GALNT13: variants seen among roughly 807,000 people sequenced by gnomAD.
The protein encoded by GALNT13 is polypeptide N-acetylgalactosaminyltransferase 13.
In GALNT13, 28 loss-of-function variants were observed where a neutral mutation model predicts 64.2. The ratio of observed to expected loss-of-function variants is 0.44; its 90% CI spans 0.32 to 0.60. GALNT13 has a LOEUF of 0.60. Among genes scored for constraint, GALNT13 ranks in the 20% least tolerant of loss-of-function variants. GALNT13 has a pLI of 0.05. For missense variants in GALNT13, 577 were observed against 669.8 expected (o/e 0.86, Z 1.53); for synonymous variants, 214 against 224.6 (o/e 0.95, Z 0.42).
chr2:153,789,919 C>T, the GALNT13 span, among the ~76,000 whole-genome samples: 1 of 152,168 alleles, frequency 6.6e-6, no homozygotes, highest in Admixed American at 6.5e-5. Flanking sequence ...ATAATGAGCT[C>T]CAAAATTGAC....
Position 153,944,408 on chromosome 2 carries a change from C to A in GALNT13, c.-90C>A. 1 of 1,181,820 alleles carries A rather than the reference C, an allele frequency of 8.5e-7. No individual in the cohort carries two copies. The highest frequency in any genetic ancestry group is 1.2e-6 in the Non-Finnish European group (1 of 826,076). The allele number at this position is 1,181,820 out of a possible 1,614,324, so 73.2% of individuals were successfully genotyped here. ...TTTTAATGCAGTGGAATGTATCCTG[C>A]TTTCATCTTGGAGTTCACCTGTGTG... On this transcript the variant is annotated 5_prime_UTR_variant, in exon 3 of 13. Coordinates refer to ENST00000392825, the MANE Select transcript of GALNT13 (RefSeq NM_052917.4).
chr2:154,288,080 C>T (rs1400731497), intron 8 of GALNT13, among the ~76,000 whole-genome samples: 1 of 152,136 alleles, frequency 6.6e-6, no homozygotes, highest in Non-Finnish European at 1.5e-5. Context: ...AATTGACTCA[C>T]AGTTCCACAT....
At chr2:153,224,484 TA>T in the GALNT13 span, among the ~76,000 whole-genome samples, 4 of 76,854 alleles carry the variant, frequency 5.2e-5, no homozygotes, top group East Asian at 8.5e-4. Context: ...GAATCTAAAA[TA>T]AAAGTTGAAT....
intron 4 of GALNT13, among the ~76,000 whole-genome samples, chr2:154,176,240 ATTATTTATTTATTTATTTATTTAT>A (rs3075864): frequency 7.5e-6 from 1 of 132,740 alleles, no homozygotes; most frequent in African/African-American, 2.8e-5. Flanking sequence ...GAACATATAT[ATTATTTATTTATTTATTTATTTAT>A]TTATTTATTT....
chr2:153,894,942 C>A (rs1478035473), intron 1 of GALNT13, among the ~76,000 whole-genome samples: 1 of 152,058 alleles, frequency 6.6e-6, no homozygotes, highest in Non-Finnish European at 1.5e-5. Context: ...GAATCAGTGA[C>A]CTGGTAGAGC....
chr2:153,276,282 A>G, the GALNT13 span, among the ~76,000 whole-genome samples: 3 of 152,074 alleles, frequency 2.0e-5, no homozygotes, highest in Admixed American at 6.5e-5. Context: ...ACTTTCATTT[A>G]CTAAATTTAT....
chr2:153,474,986 G>A, the GALNT13 span, among the ~76,000 whole-genome samples: 10 of 152,146 alleles, frequency 6.6e-5, no homozygotes, highest in Admixed American at 2.0e-4. Context: ...CTTAGAGAAT[G>A]TCTCTGGGAA....
chr2:153,807,745 T>C, the GALNT13 span, among the ~76,000 whole-genome samples: 1 of 152,146 alleles, frequency 6.6e-6, no homozygotes, highest in East Asian at 1.9e-4. Flanking sequence ...TGTTTGATAA[T>C]TTCATTATCC....
chr2:153,848,642 A>C, the GALNT13 span, among the ~76,000 whole-genome samples: 1 of 152,156 alleles, frequency 6.6e-6, no homozygotes, highest in African/African-American at 2.4e-5. Flanking sequence ...GAAAAGGTGA[A>C]TATCACTACA....
At chr2:153,401,564 T>C in the GALNT13 span, among the ~76,000 whole-genome samples, 1 of 150,300 alleles carries the variant, frequency 6.7e-6, no homozygotes, top group Non-Finnish European at 1.5e-5. Context: ...GGAGTCTAAG[T>C]CTCTTTGTAG....
At chr2:154,445,832 G>C (rs115833320) in intron 12 of GALNT13, 31 of 1,288,408 alleles carry the variant, frequency 2.4e-5, no homozygotes, top group Middle Eastern at 2.1e-4. Context: ...GGGCAGGCAC[G>C]GAGCTTCAAG....
At chr2:153,665,015 T>A in the GALNT13 span, among the ~76,000 whole-genome samples, 1 of 152,214 alleles carries the variant, frequency 6.6e-6, no homozygotes, top group African/African-American at 2.4e-5. Context: ...TACCAGAGTA[T>A]GGCAGTCAAA....
chr2:153,332,125 A>C, the GALNT13 span, among the ~76,000 whole-genome samples: 2 of 151,192 alleles, frequency 1.3e-5, no homozygotes, highest in South Asian at 4.2e-4. Flanking sequence ...TTTGTCCTTT[A>C]ATTTTTTGTT....
chr2:153,989,052 A>G (rs1694993274), intron 3 of GALNT13, among the ~76,000 whole-genome samples: 1 of 93,002 alleles, frequency 1.1e-5, no homozygotes, highest in Non-Finnish European at 2.2e-5. Context: ...GTAAAGTTAC[A>G]TATTACTGTT....
At chr2:153,269,686 A>C in the GALNT13 span, among the ~76,000 whole-genome samples, 1 of 151,620 alleles carries the variant, frequency 6.6e-6, no homozygotes, top group East Asian at 1.9e-4. Context: ...TGCTATTAAG[A>C]TACTACCTGA....
the GALNT13 span, among the ~76,000 whole-genome samples, chr2:153,105,988 G>T: frequency 1.8e-4 from 27 of 152,074 alleles, no homozygotes; most frequent in Non-Finnish European, 1.0e-4. Flanking sequence ...GACATCCATA[G>T]AGCTGTCAAG....
chr2:154,019,807 C>T lies in GALNT13; in HGVS notation c.142+75168C>T, dbSNP rs1216411698. ...TGTTGGTGTGCTGCACCCATTAACT[C>T]GTTATCTAGCATTAGGTATATCTCC... On this transcript the variant is annotated intron_variant, in intron 3 of 12. Coordinates refer to ENST00000392825, the MANE Select transcript of GALNT13 (RefSeq NM_052917.4). Among the ~76,000 whole-genome samples, 5 of 151,800 alleles carry T rather than the reference C, an allele frequency of 3.3e-5. No homozygotes were observed. In the East Asian group the frequency reaches 5.8e-4, roughly 18 times the overall value.
the GALNT13 span, among the ~76,000 whole-genome samples, chr2:153,214,895 T>G: frequency 6.6e-6 from 1 of 152,052 alleles, no homozygotes; most frequent in Non-Finnish European, 1.5e-5. Context: ...TCTTTGAAAA[T>G]CACCTAAAAA....
the GALNT13 span, among the ~76,000 whole-genome samples, chr2:153,154,990 G>A: frequency 6.6e-6 from 1 of 152,078 alleles, no homozygotes; most frequent in Admixed American, 6.6e-5. Flanking sequence ...AAAATCATGT[G>A]GTTTTTGTCT....
Sources: allele counts gnomAD v4.1 joint callset (sites outside exome capture counted in the v4.1 genomes callset), GRCh38; gene constraint gnomAD v4.1.1; transcripts MANE v1.5; gene names NCBI Gene and HGNC (gene_info 2026-07-23, HGNC 2026-07-21).